Variants in TENM2 observed in about 807,000 individuals in gnomAD.
The protein encoded by TENM2 is teneurin-2.
Under a neutral mutation model 245.2 loss-of-function variants are expected in TENM2, and 52 were observed. The ratio of observed to expected loss-of-function variants is 0.21; its 90% confidence interval spans 0.17 to 0.27. The LOEUF (loss-of-function observed/expected upper bound fraction) is 0.27. Among genes scored for constraint, TENM2 ranks in the 10% least tolerant of loss-of-function variants. TENM2 has a pLI of 1.00. For synonymous variants in TENM2, 1,363 were observed against 1,438.9 expected (o/e 0.95, Z 1.19); for missense variants, 3,046 against 3,666.8 (o/e 0.83, Z 4.37).
At chr5:168,066,866 A>C (rs1246929171) in intron 7 of TENM2, among the ~76,000 whole-genome samples, 5 of 152,226 alleles carry the variant, frequency 3.3e-5, no homozygotes, top group African/African-American at 7.2e-5. Flanking sequence ...AAGAAAAAGA[A>C]TAATCTGACC....
Position 167,929,065 on chromosome 5 carries a change from G to GAAAGAAAGAAAGA in TENM2, c.713-23520_713-23508dup, listed in dbSNP as rs1778024436. Among the ~76,000 whole-genome samples, 13 of 4,928 alleles carry GAAAGAAAGAAAGA rather than the reference G, an allele frequency of 2.6e-3. No homozygotes were observed. In the African/African-American group the frequency reaches 0.027, roughly 10 times the overall value. The allele number at this position is 4,928 out of a possible 152,430, so 3.2% of individuals were successfully genotyped here. A position where few individuals can be genotyped will look rare whatever the true frequency, so the allele number is the denominator to read the frequency against. ...AAGAAAAAAGAAAGAAAGAGAGAAA[G>GAAAGAAAGAAAGA]AAAGAAAGAAAGAAAGAAAGAAAGA... On this transcript the variant is annotated intron_variant, in intron 3 of 28. Transcript: ENST00000518659.
rs750787412 is a variant in TENM2 at position 167,822,350 on chromosome 5, G to A, written c.503-53636G>A. Among the ~76,000 whole-genome samples, 11 of 152,242 alleles carry A rather than the reference G, an allele frequency of 7.2e-5. No homozygotes were observed. The East Asian group carries it at 9.7e-4, about 13-fold the overall frequency. ...CTTGTTAGTTTCTATTTATAAGTGC[G>A]TTAGAAGAAAGTACATCTTAAGTGC... On this transcript the variant is annotated intron_variant, in intron 2 of 28. Coordinates refer to ENST00000518659, the Ensembl canonical transcript of TENM2.
intron 3 of TENM2, among the ~76,000 whole-genome samples, chr5:167,882,983 G>A (rs560287172): frequency 2.0e-5 from 3 of 152,272 alleles, no homozygotes; most frequent in East Asian, 1.9e-4. Flanking sequence ...CAATGTTAGA[G>A]GCTCCCCAAC....
At chr5:167,574,226 G>C (rs562166572) in intron 2 of TENM2, among the ~76,000 whole-genome samples, 1 of 152,302 alleles carries the variant, frequency 6.6e-6, no homozygotes, top group East Asian at 1.9e-4. Context: ...TATAGTAAAT[G>C]CATTTATACT....
intron 3 of TENM2, among the ~76,000 whole-genome samples, chr5:167,949,513 C>T (rs140016754): frequency 5.7e-4 from 87 of 152,310 alleles, no homozygotes; most frequent in African/African-American, 1.9e-3. Flanking sequence ...CTGTTCTCTA[C>T]ACTTGGTTTT....
At chr5:167,002,844 C>G in the TENM2 span, among the ~76,000 whole-genome samples, 1 of 151,778 alleles carries the variant, frequency 6.6e-6, no homozygotes, top group Non-Finnish European at 1.5e-5. Context: ...GTAGGACTAG[C>G]CTATTAAGGA....
At chr5:168,254,438 G>A (rs997362983) in intron 27 of TENM2, among the ~76,000 whole-genome samples, 1 of 151,666 alleles carries the variant, frequency 6.6e-6, no homozygotes, top group African/African-American at 2.4e-5. Context: ...AGAGGGAAAG[G>A]GGAGGGAGAG....
At position 167,793,839 on chromosome 5, in the gene TENM2, A is replaced by C. The variant is rs77425284; in HGVS notation, c.503-82147A>C. Reference sequence around the variant, plus strand: ...TGCAAAACCCTGTCTAAAAAAAAAAAAGAAAAAAAAAGAAGCACTAAGAAG... The same window carrying C: ...TGCAAAACCCTGTCTAAAAAAAAAACAGAAAAAAAAAGAAGCACTAAGAAG... On this transcript the variant is annotated intron_variant, in intron 2 of 28. Coordinates refer to ENST00000518659, the Ensembl canonical transcript of TENM2. Among the ~76,000 whole-genome samples, 1,383 of 152,050 alleles carry C rather than the reference A, an allele frequency of 9.1e-3. 21 individuals are homozygous for C. Among genetic ancestry groups the C allele is most frequent in the African/African-American group, 0.031 (1,291 of 41,496 alleles).
chr5:167,409,250 T>C (rs1459991961), intron 2 of TENM2, among the ~76,000 whole-genome samples: 1 of 151,946 alleles, frequency 6.6e-6, no homozygotes, highest in Non-Finnish European at 1.5e-5. Flanking sequence ...GTAATAGTTG[T>C]GTGCAGTGAA....
At chr5:167,321,508 T>G (rs1465490364) in intron 1 of TENM2, among the ~76,000 whole-genome samples, 9 of 152,140 alleles carry the variant, frequency 5.9e-5, no homozygotes, top group African/African-American at 2.2e-4. Context: ...GAAACTTTTT[T>G]GCCATGAATT....
chr5:167,805,099 A>T (rs561192240), intron 2 of TENM2, among the ~76,000 whole-genome samples: 2 of 152,072 alleles, frequency 1.3e-5, no homozygotes, highest in Non-Finnish European at 2.9e-5. Flanking sequence ...GCTTGAATAA[A>T]CTTGGAATAG....
chr5:168,099,230 T>G (rs1793613913), intron 9 of TENM2, among the ~76,000 whole-genome samples: 1 of 151,928 alleles, frequency 6.6e-6, no homozygotes, highest in Admixed American at 6.6e-5. Flanking sequence ...TTAATACCAG[T>G]TATTACCCAT....
chr5:167,712,066 G>A (rs1758947372), intron 2 of TENM2, among the ~76,000 whole-genome samples: 2 of 152,148 alleles, frequency 1.3e-5, no homozygotes, highest in South Asian at 2.1e-4. Context: ...ACTATGAGAA[G>A]GGCTAGACTT....
chr5:167,126,390 G>A, the TENM2 span, among the ~76,000 whole-genome samples: 2 of 152,102 alleles, frequency 1.3e-5, no homozygotes, highest in African/African-American at 4.8e-5. Context: ...AAATGGTTGA[G>A]ATGTCCTTTC....
intron 2 of TENM2, among the ~76,000 whole-genome samples, chr5:167,652,922 A>G (rs889846404): frequency 1.3e-5 from 2 of 152,180 alleles, no homozygotes; most frequent in African/African-American, 4.8e-5. Context: ...AACATTAGCT[A>G]TGTGATAAAG....
At chr5:167,491,913 T>C (rs1167850877) in intron 2 of TENM2, among the ~76,000 whole-genome samples, 3 of 152,144 alleles carry the variant, frequency 2.0e-5, no homozygotes, top group African/African-American at 4.8e-5. Flanking sequence ...ATGGCAATAT[T>C]ATCTCGGATA....
chr5:167,300,256 G>T (rs1334968721), intron 1 of TENM2, among the ~76,000 whole-genome samples: 1 of 152,158 alleles, frequency 6.6e-6, no homozygotes, highest in Non-Finnish European at 1.5e-5. Flanking sequence ...ATGAAATTTG[G>T]GCTTGACTGA....
intron 2 of TENM2, among the ~76,000 whole-genome samples, chr5:167,384,968 C>G (rs540748039): frequency 7.5e-4 from 114 of 152,250 alleles, no homozygotes; most frequent in Middle Eastern, 3.4e-3. Flanking sequence ...GTACATAACC[C>G]CACACTCCCG....
intron 2 of TENM2, among the ~76,000 whole-genome samples, chr5:167,603,080 C>G (rs1205187400): frequency 6.6e-6 from 1 of 152,090 alleles, no homozygotes; most frequent in Non-Finnish European, 1.5e-5. Flanking sequence ...GACCAGTTGG[C>G]TGACATGACA....
Sources: gnomAD v4.1 joint callset for allele counts (sites outside exome capture counted in the v4.1 genomes callset) on GRCh38, gnomAD v4.1.1 for gene constraint, MANE v1.5 for transcripts, NCBI Gene and HGNC (gene_info 2026-07-23, HGNC 2026-07-21) for gene names.